Variants in PCCA observed in about 807,000 individuals in gnomAD.
PCCA encodes propionyl-CoA carboxylase alpha chain, mitochondrial.
Under a neutral mutation model 101.3 loss-of-function variants are expected in PCCA, and 74 were observed. The observed-to-expected ratio is 0.73, with a 90% CI of 0.61 to 0.89. The LOEUF is 0.89. Ranked by LOEUF, PCCA falls within the 40% of genes least tolerant of loss-of-function variation. The probability of loss-of-function intolerance (pLI) is 0.00; values close to 1 mark genes in which losing one functional copy is unlikely to be tolerated. For missense variants in PCCA, 891 were observed against 907.0 expected (o/e 0.98, Z 0.23); for synonymous variants, 294 against 313.6 (o/e 0.94, Z 0.66).
Position 100,530,387 on chromosome 13 carries a change from G to T in PCCA, c.*221G>T. On this transcript the variant is annotated 3_prime_UTR_variant, in exon 24 of 24. Transcript: ENST00000376285. ...CATATGATTTGTACTTCTGCTGTGA[G>T]ATTCCCTAGTGTCAAAATTAAATCA... is the stretch of plus-strand genomic sequence containing the variant. 1.6e-6 allele frequency: 1 copy of T among 607,970 alleles called. No individual in the cohort carries two copies. The highest frequency in any genetic ancestry group is 2.9e-6 in the Non-Finnish European group (1 of 340,678). The allele number at this position is 607,970 out of a possible 1,614,324, so 37.7% of individuals were successfully genotyped here.
chr13:100,425,420 G>A (rs112268276), intron 19 of PCCA, among the ~76,000 whole-genome samples: 2 of 152,314 alleles, frequency 1.3e-5, no homozygotes, highest in African/African-American at 4.8e-5. Context: ...CTCAGTACCC[G>A]GAGGCAGCTG....
intron 6 of PCCA, among the ~76,000 whole-genome samples, chr13:100,160,295 G>C (rs2054314402): frequency 6.6e-6 from 1 of 152,084 alleles, no homozygotes; most frequent in South Asian, 2.1e-4. Flanking sequence ...TTGAGGTCAG[G>C]AATTCGAGAC....
intron 12 of PCCA, among the ~76,000 whole-genome samples, chr13:100,280,681 A>G (rs2064033527): frequency 6.6e-6 from 1 of 152,322 alleles, no homozygotes; most frequent in African/African-American, 2.4e-5. Flanking sequence ...CCCCTTATCC[A>G]TAGTTTTCCT....
chr13:100,277,298 G>T (rs988392826), intron 12 of PCCA, among the ~76,000 whole-genome samples: 6 of 152,232 alleles, frequency 3.9e-5, no homozygotes, highest in African/African-American at 1.4e-4. Flanking sequence ...TTGATTTGTT[G>T]ATGCCACCAA....
chr13:100,246,746 G>T (rs1343405228), intron 8 of PCCA, among the ~76,000 whole-genome samples: 1 of 151,976 alleles, frequency 6.6e-6, no homozygotes, highest in East Asian at 1.9e-4. Context: ...TTTCAGATTT[G>T]ATGAAAATTG....
At chr13:100,290,369 G>C (rs1008496712) in intron 12 of PCCA, among the ~76,000 whole-genome samples, 5 of 151,834 alleles carry the variant, frequency 3.3e-5, no homozygotes, top group African/African-American at 1.2e-4. Context: ...ATGCTGCCAC[G>C]CCTGGCTAAT....
At chr13:100,128,421 G>T (rs1337483040) in intron 4 of PCCA, among the ~76,000 whole-genome samples, 2 of 152,152 alleles carry the variant, frequency 1.3e-5, no homozygotes, top group Admixed American at 6.6e-5. Flanking sequence ...TTAGAGATGG[G>T]TATAGAGAAA....
chr13:100,406,269 A>T (rs1407244633), intron 19 of PCCA, among the ~76,000 whole-genome samples: 3 of 152,236 alleles, frequency 2.0e-5, no homozygotes, highest in Non-Finnish European at 4.4e-5. Context: ...TACTACACTG[A>T]TGCAAACAAC....
intron 7 of PCCA, among the ~76,000 whole-genome samples, chr13:100,213,627 G>T (rs1352063431): frequency 6.6e-6 from 1 of 151,974 alleles, no homozygotes; most frequent in African/African-American, 2.4e-5. Context: ...ATATATTCTG[G>T]TTATTAATCT....
At chr13:100,219,492 G>A (rs1247563274) in intron 7 of PCCA, among the ~76,000 whole-genome samples, 1 of 152,144 alleles carries the variant, frequency 6.6e-6, no homozygotes, top group Non-Finnish European at 1.5e-5. Flanking sequence ...GGAAGGGAAT[G>A]TTTCTTGGCT....
At chr13:100,165,805 G>A (rs935716503) in intron 6 of PCCA, among the ~76,000 whole-genome samples, 2 of 152,094 alleles carry the variant, frequency 1.3e-5, no homozygotes, top group African/African-American at 2.4e-5. Context: ...GCCGAGATAG[G>A]AGGATCACTT....
chr13:100,403,465 C>T (rs1575426), intron 19 of PCCA, among the ~76,000 whole-genome samples: 11,278 of 152,062 alleles, frequency 0.074, 1,328 homozygotes, highest in African/African-American at 0.25. Flanking sequence ...CTTCCAATCA[C>T]GGTGGAAGGC....
chr13:100,284,658 C>A (rs1161630939), intron 12 of PCCA, among the ~76,000 whole-genome samples: 1 of 152,184 alleles, frequency 6.6e-6, no homozygotes, highest in Non-Finnish European at 1.5e-5. Flanking sequence ...CAGTTGTACC[C>A]AACCCCTATA....
chr13:100,142,210 T>C (rs2051961016), intron 4 of PCCA, among the ~76,000 whole-genome samples: 1 of 152,136 alleles, frequency 6.6e-6, no homozygotes. Flanking sequence ...ATTTACTCTT[T>C]TACACAAAAG....
At chr13:100,266,596 G>A (rs530054501) in intron 10 of PCCA, among the ~76,000 whole-genome samples, 4 of 152,250 alleles carry the variant, frequency 2.6e-5, no homozygotes, top group South Asian at 2.1e-4. Flanking sequence ...TGCAGGCACC[G>A]TTACTGTTTC....
intron 22 of PCCA, among the ~76,000 whole-genome samples, chr13:100,524,801 G>C (rs1339805371): frequency 1.3e-5 from 2 of 152,154 alleles, no homozygotes; most frequent in African/African-American, 4.8e-5. Flanking sequence ...GAACTTGGGA[G>C]GTAGAGGTTG....
intron 11 of PCCA, among the ~76,000 whole-genome samples, chr13:100,271,486 C>A (rs1039691262): frequency 6.6e-6 from 1 of 151,778 alleles, no homozygotes; most frequent in African/African-American, 2.4e-5. Flanking sequence ...TAAAAGACAC[C>A]GTGGGGTTGC....
In PCCA at chr13:100,239,622, T is replaced by C. The variant is rs1188825509; in HGVS notation, c.637+3744T>C. Reference sequence around the variant, plus strand: ...CTCAGTTTGTCTTTAACCTCAATGATAGACAACAGTAATCAGTGAGCTTGA... The same window carrying C: ...CTCAGTTTGTCTTTAACCTCAATGACAGACAACAGTAATCAGTGAGCTTGA... On this transcript the variant is annotated intron_variant, in intron 8 of 23. Transcript: ENST00000376285. Among the ~76,000 whole-genome samples, 3 of 152,160 alleles carry C rather than the reference T, an allele frequency of 2.0e-5. No individual in the cohort carries two copies. The East Asian group carries it at 5.8e-4, about 29-fold the overall frequency.
chr13:100,322,565 T>C (rs2068181860), intron 16 of PCCA, among the ~76,000 whole-genome samples: 1 of 151,872 alleles, frequency 6.6e-6, no homozygotes, highest in Non-Finnish European at 1.5e-5. Context: ...ATTTTCTTTT[T>C]TTTAATTTTT....
Sources: allele counts gnomAD v4.1 joint callset (sites outside exome capture counted in the v4.1 genomes callset), GRCh38; gene constraint gnomAD v4.1.1; transcripts MANE v1.5; gene names NCBI Gene and HGNC (gene_info 2026-07-23, HGNC 2026-07-21).